Variants in KCTD3 observed in about 807,000 individuals in gnomAD.
KCTD3 encodes the protein potassium channel tetramerization domain containing 3.
In KCTD3, 41 loss-of-function variants were observed where a neutral mutation model predicts 85.8. The observed-to-expected ratio is 0.48, with a 90% CI of 0.37 to 0.62. KCTD3 has a LOEUF of 0.62. Ranked by LOEUF, KCTD3 falls within the 20% of genes least tolerant of loss-of-function variation. KCTD3 has a pLI of 0.00. For synonymous variants in KCTD3, 338 were observed against 345.4 expected (o/e 0.98, Z 0.24); for missense variants, 724 against 989.9 (o/e 0.73, Z 3.60).
In KCTD3 at chr1:215,585,854, C is replaced by T. The variant is rs538972781; in HGVS notation, c.627-641C>T. 7.2e-5 allele frequency among the ~76,000 whole-genome samples: 11 copies of T among 152,160 alleles called. No homozygotes were observed. The South Asian group carries it at 2.3e-3, about 32-fold the overall frequency. On this transcript the variant is annotated intron_variant, in intron 8 of 17. Coordinates refer to ENST00000259154, the MANE Select transcript of KCTD3 (RefSeq NM_016121.5). ...GGGTAGTCATATGGAACTGTAGTTC[C>T]ATAGAGTTTTGCATTTAGACCTTTA...
rs893324134 is a variant in KCTD3 at position 215,586,443 on chromosome 1, G to A, written c.627-52G>A. On this transcript the variant is annotated intron_variant, in intron 8 of 17. Transcript: ENST00000259154. ...TTTTTGGTGCATTGATGTGTATTCC[G>A]TTTGCTTCATTGCTGCTGAGTCTAC... The A allele has an allele frequency of 2.0e-5, 29 of 1,441,486 alleles. No homozygotes were observed. In the African/African-American group the frequency reaches 2.3e-4, roughly 11 times the overall value. 89.3% of individuals were successfully genotyped at this position (1,441,486 alleles called of 1,614,324 possible).
At chr1:215,610,147 A>C (rs1025954704) in intron 14 of KCTD3, among the ~76,000 whole-genome samples, 2 of 151,962 alleles carry the variant, frequency 1.3e-5, no homozygotes, top group African/African-American at 2.4e-5. Context: ...GGAACAGAGT[A>C]GAGTCCAGAT....
intron 15 of KCTD3, among the ~76,000 whole-genome samples, chr1:215,614,196 T>C (rs1203696916): frequency 1.3e-5 from 2 of 151,910 alleles, no homozygotes; most frequent in Non-Finnish European, 1.5e-5. Context: ...CACGCCTGGC[T>C]AATTTTTTGC....
intron 13 of KCTD3, among the ~76,000 whole-genome samples, chr1:215,607,527 T>C (rs1440002510): frequency 6.6e-6 from 1 of 152,028 alleles, no homozygotes; most frequent in African/African-American, 2.4e-5. Context: ...TAATTTTCCT[T>C]AATGTAACTA....
chr1:215,585,135 G>A (rs924281343), intron 8 of KCTD3, among the ~76,000 whole-genome samples: 57 of 152,236 alleles, frequency 3.7e-4, no homozygotes, highest in African/African-American at 1.3e-3. Flanking sequence ...TTCAGGGTGA[G>A]TCCTTAGAGT....
Position 215,621,734 on chromosome 1 carries a change from A to G in KCTD3, c.*1116A>G, listed in dbSNP as rs2102614682. ...TGAAATAAAATCTTTAAAATTTACT[A>G]TATTGCCAGTGGTTTCACAACAGTT... On this transcript the variant is annotated 3_prime_UTR_variant, in exon 18 of 18. Transcript: ENST00000259154. 6.5e-6 allele frequency: 1 copy of G among 152,678 alleles called. No homozygotes were observed. Among genetic ancestry groups the G allele is most frequent in the South Asian group, 2.1e-4 (1 of 4,826 alleles). The allele number at this position is 152,678 out of a possible 1,614,324, so 9.5% of individuals were successfully genotyped here.
At chr1:215,571,669 C>A (rs1471045497) in intron 1 of KCTD3, among the ~76,000 whole-genome samples, 5 of 145,084 alleles carry the variant, frequency 3.4e-5, no homozygotes, top group Non-Finnish European at 6.0e-5. Flanking sequence ...CTCGCTTTGT[C>A]GCCCATGCTG....
Position 215,607,326 on chromosome 1 carries a change from G to A in KCTD3, c.1310-691G>A, listed in dbSNP as rs542229473. 2.0e-5 allele frequency among the ~76,000 whole-genome samples: 3 copies of A among 151,932 alleles called. 1 individual carries two copies. Among genetic ancestry groups the A allele is most frequent in the African/African-American group, 7.2e-5 (3 of 41,500 alleles). On this transcript the variant is annotated intron_variant, in intron 13 of 17. Coordinates refer to ENST00000259154, the MANE Select transcript of KCTD3 (RefSeq NM_016121.5). Reference sequence around the variant, plus strand: ...GCCAAAAAAAGTAGTTTTTGCATTAGTGATACACTTTATGGTGTATATTTT... The same window carrying A: ...GCCAAAAAAAGTAGTTTTTGCATTAATGATACACTTTATGGTGTATATTTT...
chr1:215,580,343 G>T (rs190965015), intron 8 of KCTD3, among the ~76,000 whole-genome samples: 7 of 152,276 alleles, frequency 4.6e-5, no homozygotes, highest in African/African-American at 1.7e-4. Flanking sequence ...TGAGCTCCCT[G>T]ATGGTCTATC....
At chr1:215,577,931 A>G (rs925690130) in intron 5 of KCTD3, 70 bp from the exon 6 acceptor site, 75 of 1,569,330 alleles carry the variant, frequency 4.8e-5, no homozygotes, top group Non-Finnish European at 6.4e-5. Context: ...TGAACTAGAG[A>G]AAATAAAAAT....
intron 15 of KCTD3, among the ~76,000 whole-genome samples, chr1:215,614,253 G>T (rs969556158): frequency 1.3e-5 from 2 of 151,772 alleles, no homozygotes; most frequent in African/African-American, 2.4e-5. Flanking sequence ...GGATGGTCTC[G>T]ATCTCCTGAC....
intron 15 of KCTD3, chr1:215,617,983 G>A (rs1487703791): frequency 3.1e-6 from 1 of 325,674 alleles, no homozygotes; most frequent in Admixed American, 3.3e-5. Context: ...TGTCTGAATT[G>A]TATAAAAGCA....
At chr1:215,613,492 TCTTTA>T in intron 15 of KCTD3, among the ~76,000 whole-genome samples, 1 of 152,242 alleles carries the variant, frequency 6.6e-6, no homozygotes, top group East Asian at 1.9e-4. Flanking sequence ...GTGCAAGTGC[TCTTTA>T]CTTTAATAAG....
intron 10 of KCTD3, among the ~76,000 whole-genome samples, chr1:215,598,314 G>A (rs1388200010): frequency 1.3e-5 from 2 of 152,104 alleles, no homozygotes; most frequent in Admixed American, 1.3e-4. Flanking sequence ...GGAGATGCAA[G>A]AGGAAACCAT....
chr1:215,575,472 CT>C (rs1158444640), intron 3 of KCTD3, among the ~76,000 whole-genome samples: 2 of 152,112 alleles, frequency 1.3e-5, no homozygotes, highest in South Asian at 2.1e-4. Context: ...TCAAGTACCC[CT>C]GTGTGCATTA....
intron 12 of KCTD3, among the ~76,000 whole-genome samples, chr1:215,603,887 T>G (rs917258044): frequency 2.2e-4 from 34 of 152,144 alleles, no homozygotes; most frequent in Non-Finnish European, 4.4e-5. Flanking sequence ...TAGAACCTAA[T>G]AGTGCAAGGC....
chr1:215,573,649 C>A, intron 1 of KCTD3, 137 bp from the exon 2 acceptor site: 1 of 507,066 alleles, frequency 2.0e-6, no homozygotes. Context: ...AAAATATTAA[C>A]TGTAATAAAT....
At chr1:215,592,824 G>A (rs1660275762) in intron 9 of KCTD3, among the ~76,000 whole-genome samples, 1 of 152,122 alleles carries the variant, frequency 6.6e-6, no homozygotes, top group Non-Finnish European at 1.5e-5. Flanking sequence ...GAGAGTTACT[G>A]GGTTTCTGCT....
At chr1:215,585,598 G>A (rs1484352714) in intron 8 of KCTD3, among the ~76,000 whole-genome samples, 1 of 152,030 alleles carries the variant, frequency 6.6e-6, no homozygotes, top group Non-Finnish European at 1.5e-5. Context: ...TTATAGTTAT[G>A]TTTGCATTAT....
Sources: allele counts gnomAD v4.1 joint callset (sites outside exome capture counted in the v4.1 genomes callset), GRCh38; gene constraint gnomAD v4.1.1; transcripts MANE v1.5; gene names NCBI Gene and HGNC (gene_info 2026-07-23, HGNC 2026-07-21).